The following TRPM1 variants were observed in gnomAD, a reference collection of about 807,000 sequenced individuals.
TRPM1 encodes transient receptor potential cation channel subfamily M member 1, also known as TRPM1-203 APA Isoform, Intron 10.
A neutral mutation model predicts 149.4 loss-of-function variants in TRPM1; 113 were observed. The observed-to-expected ratio is 0.76, with a 90% CI of 0.65 to 0.88. The LOEUF is 0.88. TRPM1 is among the 40% of genes least tolerant of loss of function. The pLI is 0.00. For synonymous variants in TRPM1, 741 were observed against 759.5 expected (o/e 0.98, Z 0.40); for missense variants, 1,976 against 2,038.7 (o/e 0.97, Z 0.59).
intron 1 of TRPM1, among the ~76,000 whole-genome samples, chr15:31,154,142 G>T (rs903185032): frequency 5.3e-5 from 8 of 152,228 alleles, no homozygotes; most frequent in Non-Finnish European, 1.2e-4. Flanking sequence ...AGAAAACTTA[G>T]GGCTTGGATT....
At chr15:31,065,854 C>T (rs931292742) in intron 7 of TRPM1, among the ~76,000 whole-genome samples, 7 of 152,216 alleles carry the variant, frequency 4.6e-5, no homozygotes, top group African/African-American at 7.2e-5. Flanking sequence ...AGGGTTATTT[C>T]GTGCTAACTT....
At position 31,040,149 on chromosome 15, in the gene TRPM1, C is replaced by G. The variant is rs199546092; in HGVS notation, c.2285G>C (p.Arg762Thr). ...QMLLTDMWMG[R>T]LRMRKNPGLK... ...GCCGGGGTTCTTCCGCATCCGCAGTCTTCCCATCCACATATCGGTCAGCAG... is the reference window on the plus strand; with the variant it reads ...GCCGGGGTTCTTCCGCATCCGCAGTGTTCCCATCCACATATCGGTCAGCAG... The change falls in exon 18 of 28, where the codon AGA becomes ACA. Residue 762 changes from arginine (R) to threonine (T), a missense_variant. By Grantham distance (71) the Arg-to-Thr change is moderately conservative. Around this residue, in one of 3 missense-constraint regions of TRPM1, gnomAD observed 1,332 missense variants for 1,347.1 expected, o/e 0.99. Transcript: ENST00000256552. The surrounding 1 kb of genome is among the most constrained non-coding windows in gnomAD (Gnocchi z 4.2). 3.7e-5 allele frequency: 59 copies of G among 1,614,122 alleles called. No individual in the cohort carries two copies. The highest frequency in any genetic ancestry group is 8.5e-6 in the Non-Finnish European group (10 of 1,180,048).
intron 1 of TRPM1, among the ~76,000 whole-genome samples, chr15:31,155,588 A>G (rs2036360935): frequency 6.6e-6 from 1 of 152,220 alleles, no homozygotes; most frequent in African/African-American, 2.4e-5. Flanking sequence ...CATAGACAAG[A>G]CTGATATAAC....
chr15:31,105,753 T>G (rs1454025400), upstream of TRPM1, among the ~76,000 whole-genome samples: 1 of 152,256 alleles, frequency 6.6e-6, no homozygotes, highest in African/African-American at 2.4e-5. Context: ...TTAGGTTTTT[T>G]CAAGAACTTA....
intron 11 of TRPM1, among the ~76,000 whole-genome samples, chr15:31,052,384 C>T (rs1258248855): frequency 1.3e-5 from 2 of 152,132 alleles, no homozygotes; most frequent in East Asian, 3.8e-4. Context: ...ACTGGATATC[C>T]ACATGCAAAA....
At chr15:31,083,707 A>C (rs535283813) in intron 1 of TRPM1, among the ~76,000 whole-genome samples, 40 of 152,042 alleles carry the variant, frequency 2.6e-4, no homozygotes, top group Middle Eastern at 3.4e-3. Context: ...CCTGGGTCCA[A>C]CTGGCCATTT....
At chr15:31,046,289 TAGTACATTAGC>T in intron 15 of TRPM1, 56 bp from the exon 16 acceptor site, 1 of 1,500,222 alleles carries the variant, frequency 6.7e-7, no homozygotes, top group Non-Finnish European at 9.3e-7. Flanking sequence ...CTAATGTTAG[TAGTACATTAGC>T]AGTATTGTTG....
In TRPM1 at chr15:31,062,684, G is replaced by A. The variant is rs1327026756; in HGVS notation, c.984C>T (p.Leu328=). 6.2e-7 allele frequency: 1 copy of A among 1,613,912 alleles called. No individual in the cohort carries two copies. Among genetic ancestry groups the A allele is most frequent in the Admixed American group, 1.7e-5 (1 of 60,004 alleles). The change falls in exon 9 of 28, where the codon CTC becomes CTT. Residue 328 remains leucine (L), a synonymous_variant. Coordinates refer to ENST00000256552, the MANE Select transcript of TRPM1 (RefSeq NM_001252024.2). ...GAATGGTAACTAGAAGCTGCTCCCT[G>A]AGGGACTCATTTATTATTCTGTTCA... The part of the protein sequence containing the change: ...CEEGGIINES[L]REQLLVTIQK...
chr15:31,130,922 C>T (rs1235771407), intron 1 of TRPM1, among the ~76,000 whole-genome samples: 2 of 152,196 alleles, frequency 1.3e-5, no homozygotes, highest in African/African-American at 4.8e-5. Flanking sequence ...TAAACTCTCT[C>T]CATTGCAATT....
At chr15:31,089,914 T>G (rs1315446467) in intron 1 of TRPM1, among the ~76,000 whole-genome samples, 1 of 152,156 alleles carries the variant, frequency 6.6e-6, no homozygotes, top group Non-Finnish European at 1.5e-5. Flanking sequence ...GGATCCTGGG[T>G]TGGCCGGGAG....
intron 18 of TRPM1, among the ~76,000 whole-genome samples, chr15:31,038,537 A>T (rs1326458665): frequency 2.6e-5 from 4 of 152,124 alleles, no homozygotes; most frequent in Non-Finnish European, 5.9e-5. Context: ...ACATGGTGAA[A>T]CCCCATCTCT....
At chr15:31,077,197 C>G (rs1022104930) in intron 2 of TRPM1, among the ~76,000 whole-genome samples, 1 of 152,084 alleles carries the variant, frequency 6.6e-6, no homozygotes, top group Non-Finnish European at 1.5e-5. Flanking sequence ...CATTTTGCAC[C>G]TTAATTCATC....
At chr15:31,031,243 G>T in intron 22 of TRPM1, 86 bp from the exon 23 acceptor site, 1 of 1,466,324 alleles carries the variant, frequency 6.8e-7, no homozygotes. Flanking sequence ...CTCCAATTAA[G>T]CACTTCACGA....
At chr15:31,031,887 T>A (rs2033097073) in intron 22 of TRPM1, among the ~76,000 whole-genome samples, 1 of 152,156 alleles carries the variant, frequency 6.6e-6, no homozygotes, top group South Asian at 2.1e-4. Context: ...ACTTCCTGTG[T>A]TCACTCCAGG....
At chr15:31,066,832 A>AC (rs1335596372) in intron 6 of TRPM1, among the ~76,000 whole-genome samples, 1 of 152,148 alleles carries the variant, frequency 6.6e-6, no homozygotes, top group East Asian at 1.9e-4. Flanking sequence ...TGAAAGGGCA[A>AC]CAGGAGGGAT....
chr15:31,025,057 G>A (rs2032676791), intron 27 of TRPM1, among the ~76,000 whole-genome samples: 2 of 152,188 alleles, frequency 1.3e-5, no homozygotes, highest in Non-Finnish European at 2.9e-5. Flanking sequence ...GACCTAAGGT[G>A]CATCTGTGAA....
chr15:31,116,577 GGCC>G (rs2035799685), intron 1 of TRPM1, among the ~76,000 whole-genome samples: 1 of 149,830 alleles, frequency 6.7e-6, no homozygotes, highest in Non-Finnish European at 1.5e-5. Context: ...ACTCCAGCCT[GGCC>G]AACGAGAGCA....
At chr15:31,156,174 G>A (rs141382528) in intron 1 of TRPM1, among the ~76,000 whole-genome samples, 14 of 135,712 alleles carry the variant, frequency 1.0e-4, no homozygotes, top group African/African-American at 3.9e-4. Flanking sequence ...TCCAGGCTGG[G>A]TGACAGAGCG....
At chr15:31,146,153 AG>A (rs1452183759) in intron 1 of TRPM1, among the ~76,000 whole-genome samples, 16 of 152,322 alleles carry the variant, frequency 1.1e-4, no homozygotes, top group Middle Eastern at 3.4e-3. Flanking sequence ...CTCTCAAAAA[AG>A]TTTTAAATGT....
Sources: allele counts gnomAD v4.1 joint callset (sites outside exome capture counted in the v4.1 genomes callset), GRCh38; gene constraint gnomAD v4.1.1; regional missense constraint gnomAD v4.1.1; non-coding constraint Gnocchi (gnomAD v3.1); transcripts MANE v1.5; gene names NCBI Gene and HGNC (gene_info 2026-07-23, HGNC 2026-07-21).